RAI1: variants seen among roughly 807,000 people sequenced by gnomAD.
RAI1 encodes retinoic acid induced 1, also known as retinoic acid-induced protein 1.
In RAI1, 9 loss-of-function variants were observed where a neutral mutation model predicts 123.8. That is an observed-to-expected ratio of 0.07 (90% CI 0.04 to 0.13). RAI1 has a LOEUF of 0.13. Among genes scored for constraint, RAI1 ranks in the 10% least tolerant of loss-of-function variants. The pLI is 1.00. For missense variants in RAI1, 2,256 were observed against 2,545.8 expected (o/e 0.89, Z 2.45); for synonymous variants, 1,231 against 1,127.3 (o/e 1.09, Z -1.84).
At chr17:17,790,039 GGGTGCTCTTTCTGCCCCCT>G (rs1320444614) in intron 2 of RAI1, among the ~76,000 whole-genome samples, 1 of 152,154 alleles carries the variant, frequency 6.6e-6, no homozygotes, top group Non-Finnish European at 1.5e-5. Flanking sequence ...CCAGGGAGGG[GGGTGCTCTTTCTGCCCCCT>G]CCTCTCCTGA....
intron 1 of RAI1, among the ~76,000 whole-genome samples, chr17:17,695,359 T>C (rs1914987164): frequency 6.6e-6 from 1 of 151,996 alleles, no homozygotes; most frequent in African/African-American, 2.4e-5. Context: ...TTGGACTGTC[T>C]GGCTGGGAGG....
At chr17:17,707,139 G>A (rs983988529) in intron 1 of RAI1, among the ~76,000 whole-genome samples, 2 of 152,100 alleles carry the variant, frequency 1.3e-5, no homozygotes, top group Admixed American at 1.3e-4. Context: ...GCAGAACCCC[G>A]CCTCTACAAA....
At chr17:17,803,951 C>T (rs1157559867) in intron 4 of RAI1, 102 bp downstream of exon 4, 2 of 1,105,932 alleles carry the variant, frequency 1.8e-6, no homozygotes, top group South Asian at 1.3e-5. Flanking sequence ...CCATCTCACT[C>T]TTCAGTTTCC....
chr17:17,793,582 C>T lies in RAI1; in HGVS notation c.634C>T (p.His212Tyr), dbSNP rs1371560397. The change falls in exon 3 of 6, where the codon CAT (histidine) becomes TAT (tyrosine). Residue 212 changes from histidine to tyrosine, a missense_variant. Physicochemically the swap from His to Tyr is moderately conservative, Grantham distance 83. Transcript: ENST00000353383. ...PFPQGTHFPQ[H>Y]SQSFPTSSTY... ...CCCCCAGGGTACCCACTTTCCTCAG[C>T]ATTCCCAGTCCTTCCCCACCTCCTC... 6.2e-7 allele frequency: 1 copy of T among 1,613,852 alleles called. No individual in the cohort carries two copies. The highest frequency in any genetic ancestry group is 8.5e-7 in the Non-Finnish European group (1 of 1,179,998).
intron 1 of RAI1, among the ~76,000 whole-genome samples, chr17:17,691,284 G>A (rs1914829546): frequency 6.6e-6 from 1 of 152,148 alleles, no homozygotes. Context: ...ACCGCACAAG[G>A]CAGCCCCCGG....
In RAI1 at chr17:17,797,244, G is replaced by C; in HGVS notation, c.4296G>C (p.Pro1432=). Residue 1432 remains proline, a synonymous_variant, in exon 3 of 6, where the codon CCG becomes CCC. Transcript: ENST00000353383. ...DCFKTEAFTS[P]EALQPGGTAL... is the part of the protein sequence containing the mutation. ...TCAAAACCGAGGCCTTCACATCCCCGGAGGCCCTGCAGCCTGGGGGGACTG... is the reference window on the plus strand; with the variant it reads ...TCAAAACCGAGGCCTTCACATCCCCCGAGGCCCTGCAGCCTGGGGGGACTG... 6.2e-7 allele frequency: 1 copy of C among 1,613,436 alleles called. No individual in the cohort carries two copies. Among genetic ancestry groups the C allele is most frequent in the Non-Finnish European group, 8.5e-7 (1 of 1,180,032 alleles).
intron 2 of RAI1, among the ~76,000 whole-genome samples, chr17:17,785,435 TCAAA>T (rs1375958811): frequency 6.6e-6 from 1 of 151,848 alleles, no homozygotes; most frequent in Admixed American, 6.5e-5. Flanking sequence ...GAGCTTAGGG[TCAAA>T]CAGAGGAAGT....
At chr17:17,696,230 G>A (rs975090365) in intron 1 of RAI1, among the ~76,000 whole-genome samples, 2 of 151,990 alleles carry the variant, frequency 1.3e-5, no homozygotes, top group African/African-American at 4.8e-5. Context: ...ATACATCTAC[G>A]GAGTCATGCT....
intron 1 of RAI1, among the ~76,000 whole-genome samples, chr17:17,696,757 C>T (rs888636481): frequency 6.6e-6 from 1 of 152,278 alleles, no homozygotes; most frequent in African/African-American, 2.4e-5. Context: ...ACTCATGGCC[C>T]GATGCTGAGA....
chr17:17,795,837 G>T lies in RAI1; in HGVS notation c.2889G>T (p.Gly963=). The change falls in exon 3 of 6, where the codon GGG becomes GGT. Residue 963 remains glycine (G), a synonymous_variant. Coordinates refer to ENST00000353383, the MANE Select transcript of RAI1 (RefSeq NM_030665.4). The surrounding 1 kb of genome is among the most constrained non-coding windows in gnomAD (Gnocchi z 5.9). ...GGCCTGATGGGGAGCGAGCTCCAGG[G>T]GATTCCACCACCTCGGACGCCTCTC... ...EEGPDGERAP[G]DSTTSDASLA... 6.2e-7 allele frequency: 1 copy of T among 1,613,416 alleles called. No homozygotes were observed. Among genetic ancestry groups the T allele is most frequent in the Non-Finnish European group, 8.5e-7 (1 of 1,180,018 alleles).
At chr17:17,744,110 G>C (rs1471161226) in intron 2 of RAI1, among the ~76,000 whole-genome samples, 1 of 152,218 alleles carries the variant, frequency 6.6e-6, no homozygotes, top group East Asian at 1.9e-4. Flanking sequence ...GTGCATACGG[G>C]GACGCCTGAG....
chr17:17,696,995 T>C (rs1915059904), intron 1 of RAI1, among the ~76,000 whole-genome samples: 1 of 152,218 alleles, frequency 6.6e-6, no homozygotes, highest in South Asian at 2.1e-4. Flanking sequence ...TCTGGAGGCA[T>C]GCAGGCTTGG....
At chr17:17,765,427 G>A (rs1027217046) in intron 2 of RAI1, among the ~76,000 whole-genome samples, 7 of 152,234 alleles carry the variant, frequency 4.6e-5, no homozygotes, top group African/African-American at 1.4e-4. Flanking sequence ...TCTTCCAGGC[G>A]ACTTGGGGGT....
At chr17:17,763,613 G>A (rs2030797595) in intron 2 of RAI1, among the ~76,000 whole-genome samples, 1 of 152,214 alleles carries the variant, frequency 6.6e-6, no homozygotes, top group Non-Finnish European at 1.5e-5. Flanking sequence ...CAGGTACGGG[G>A]GCCCAGGTCA....
intron 2 of RAI1, among the ~76,000 whole-genome samples, chr17:17,744,352 G>C (rs1345936795): frequency 6.6e-6 from 1 of 152,222 alleles, no homozygotes; most frequent in African/African-American, 2.4e-5. Flanking sequence ...CCTCAGGGTG[G>C]CCATGAGGGT....
Position 17,795,233 on chromosome 17 carries a change from C to G in RAI1, c.2285C>G (p.Pro762Arg), listed in dbSNP as rs776284225. 6.2e-7 allele frequency: 1 copy of G among 1,614,034 alleles called. No individual in the cohort carries two copies. The highest frequency in any genetic ancestry group is 8.5e-7 in the Non-Finnish European group (1 of 1,180,016). ...GDACPRWGLH[P>R]GELTKGLEQG... ...GCTTGTCCCAGGTGGGGATTGCACCCTGGCGAGCTTACCAAGGGCCTGGAG... is the reference window on the plus strand; with the variant it reads ...GCTTGTCCCAGGTGGGGATTGCACCGTGGCGAGCTTACCAAGGGCCTGGAG... The change falls in exon 3 of 6, where the codon CCT (proline) becomes CGT (arginine). Residue 762 changes from proline (P) to arginine (R), a missense_variant. By Grantham distance (103) the Pro-to-Arg change is moderately radical. Transcript: ENST00000353383. The surrounding 1 kb of genome is among the most constrained non-coding windows in gnomAD (Gnocchi z 5.9).
intron 1 of RAI1, among the ~76,000 whole-genome samples, chr17:17,707,407 G>A (rs1915427941): frequency 6.6e-6 from 1 of 152,222 alleles, no homozygotes; most frequent in African/African-American, 2.4e-5. Flanking sequence ...GCCTCCCTGA[G>A]AAGGTGACAG....
Position 17,797,073 on chromosome 17 carries a change from A to T in RAI1, c.4125A>T (p.Pro1375=). The change falls in exon 3 of 6, where the codon CCA becomes CCT. Residue 1375 remains proline, a synonymous_variant. Coordinates refer to ENST00000353383, the MANE Select transcript of RAI1 (RefSeq NM_030665.4). ...GGCTCAAGGGTGCTGGGGGCAGCCC[A>T]GTGGGGGTGGAAGAAGGCCTGGTAA... is the stretch of plus-strand genomic sequence containing the variant. ...DRGLKGAGGS[P]VGVEEGLVNV... 6.2e-7 allele frequency: 1 copy of T among 1,613,952 alleles called. No homozygotes were observed. Among genetic ancestry groups the T allele is most frequent in the Non-Finnish European group, 8.5e-7 (1 of 1,180,044 alleles).
At chr17:17,722,858 C>A (rs1461532058) in intron 1 of RAI1, among the ~76,000 whole-genome samples, 1 of 151,476 alleles carries the variant, frequency 6.6e-6, no homozygotes, top group Non-Finnish European at 1.5e-5. Flanking sequence ...TACGCCCCAC[C>A]GCTACTACAC....
Sources: allele counts gnomAD v4.1 joint callset (sites outside exome capture counted in the v4.1 genomes callset), GRCh38; gene constraint gnomAD v4.1.1; non-coding constraint Gnocchi (gnomAD v3.1); transcripts MANE v1.5; gene names NCBI Gene and HGNC (gene_info 2026-07-23, HGNC 2026-07-21).